ZSCAN25: variants seen among roughly 807,000 people sequenced by gnomAD.
ZSCAN25 encodes zinc finger and SCAN domain containing 25.
ZSCAN25 carries 27 observed loss-of-function variants against 38.7 expected under a neutral mutation model. The ratio of observed to expected loss-of-function variants is 0.70; its 90% CI spans 0.51 to 0.96. The LOEUF (loss-of-function observed/expected upper bound fraction) is 0.96, where lower values mean the gene tolerates loss of function less well. ZSCAN25 is among the 40% of genes least tolerant of loss of function. The pLI is 0.00. For synonymous variants in ZSCAN25, 273 were observed against 277.7 expected (o/e 0.98, Z 0.17); for missense variants, 637 against 705.9 (o/e 0.90, Z 1.11).
the ZSCAN25 span, chr7:99,663,840 C>T: frequency 7.3e-7 from 1 of 1,378,242 alleles, no homozygotes; most frequent in Non-Finnish European, 9.4e-7. Context: ...TACCAAATGG[C>T]TTCTCTTGTT....
chr7:99,696,396 A>T, the ZSCAN25 span, among the ~76,000 whole-genome samples: 1 of 152,098 alleles, frequency 6.6e-6, no homozygotes, highest in African/African-American at 2.4e-5. Flanking sequence ...CTATTTTAGG[A>T]TCTGGCCCTT....
At chr7:99,703,882 C>T in the ZSCAN25 span, among the ~76,000 whole-genome samples, 1 of 152,032 alleles carries the variant, frequency 6.6e-6, no homozygotes, top group South Asian at 2.1e-4. Context: ...CCCAGGCAGG[C>T]TGTTTCCACA....
At chr7:99,685,163 C>T in the ZSCAN25 span, 1 of 1,610,804 alleles carries the variant, frequency 6.2e-7, no homozygotes, top group Non-Finnish European at 8.5e-7. Flanking sequence ...ACGGTCCCAT[C>T]CCTTGACTCA....
the ZSCAN25 span, chr7:99,652,303 A>G: frequency 7.1e-6 from 2 of 281,486 alleles, no homozygotes; most frequent in East Asian, 6.4e-5. Flanking sequence ...AAAAATCTAT[A>G]TAGGCGTAGA....
the ZSCAN25 span, chr7:99,648,420 A>G: frequency 7.8e-6 from 12 of 1,541,430 alleles, no homozygotes; most frequent in African/African-American, 9.7e-5. Context: ...TTAAACAAGC[A>G]TATGGAGAAT....
chr7:99,718,530 A>G, the ZSCAN25 span, among the ~76,000 whole-genome samples: 7 of 152,282 alleles, frequency 4.6e-5, no homozygotes, highest in South Asian at 2.1e-4. Context: ...AGGGAGAGAA[A>G]ATTCCTCCAT....
At chr7:99,723,911 C>T in the ZSCAN25 span, among the ~76,000 whole-genome samples, 1 of 152,208 alleles carries the variant, frequency 6.6e-6, no homozygotes, top group South Asian at 2.1e-4. Flanking sequence ...ACTGCCAGGA[C>T]ACCTGCCTGG....
the ZSCAN25 span, among the ~76,000 whole-genome samples, chr7:99,714,102 C>G: frequency 6.6e-6 from 1 of 152,222 alleles, no homozygotes; most frequent in East Asian, 1.9e-4. Context: ...ATGTAACACA[C>G]ACTACACTTC....
At chr7:99,714,695 A>G in the ZSCAN25 span, 1 of 1,610,324 alleles carries the variant, frequency 6.2e-7, no homozygotes, top group South Asian at 1.1e-5. Context: ...GTAGAAAAAA[A>G]AAACCAACAG....
chr7:99,665,455 A>G, the ZSCAN25 span: 53 of 1,256,058 alleles, frequency 4.2e-5, no homozygotes, highest in African/African-American at 4.2e-4. Flanking sequence ...ATCATCTTCC[A>G]TCTACTCCCT....
the ZSCAN25 span, chr7:99,659,303 C>T: frequency 6.5e-6 from 1 of 152,860 alleles, no homozygotes; most frequent in Non-Finnish European, 1.5e-5. Context: ...CAGTCAGGAT[C>T]CTCAGCTGCA....
chr7:99,667,164 A>G, the ZSCAN25 span: 1 of 983,456 alleles, frequency 1.0e-6, no homozygotes, highest in Admixed American at 2.8e-5. Flanking sequence ...ACAAATATTT[A>G]TTGACTGTAT....
At chr7:99,694,388 G>A in the ZSCAN25 span, among the ~76,000 whole-genome samples, 1 of 152,200 alleles carries the variant, frequency 6.6e-6, no homozygotes, top group Non-Finnish European at 1.5e-5. Context: ...GTGACAGAAT[G>A]ACAAAGTGGA....
At chr7:99,731,629 A>G in the ZSCAN25 span, among the ~76,000 whole-genome samples, 193 of 152,316 alleles carry the variant, frequency 1.3e-3, no homozygotes, top group African/African-American at 4.4e-3. Context: ...CTGAGAGCCT[A>G]TGGTGACCCT....
the ZSCAN25 span, among the ~76,000 whole-genome samples, chr7:99,737,045 G>A: frequency 6.6e-6 from 1 of 152,152 alleles, no homozygotes; most frequent in Non-Finnish European, 1.5e-5. Context: ...GACAGACACG[G>A]GTAGGTGGGT....
At chr7:99,710,853 A>G in the ZSCAN25 span, 2 of 1,613,818 alleles carry the variant, frequency 1.2e-6, no homozygotes, top group Non-Finnish European at 1.7e-6. Context: ...AGCAAAAATA[A>G]AGATAATTGA....
At chr7:99,638,432 C>T in the ZSCAN25 span, 1 of 1,571,022 alleles carries the variant, frequency 6.4e-7, no homozygotes, top group Non-Finnish European at 8.7e-7. Context: ...TGGCATCCCT[C>T]ATCTCCCGGT....
At chr7:99,633,750 A>G (rs570123226), downstream of ZSCAN25, among the ~76,000 whole-genome samples, 1 of 152,196 alleles carries the variant, frequency 6.6e-6, no homozygotes, top group African/African-American at 2.4e-5. Context: ...GGATTTAAAC[A>G]TACTTGGTAT....
chr7:99,638,619 C>T, the ZSCAN25 span: 7 of 1,584,406 alleles, frequency 4.4e-6, no homozygotes, highest in African/African-American at 1.3e-5. Context: ...TCACTGTCTC[C>T]ACGTTGAAAC....
Sources: allele counts gnomAD v4.1 joint callset (sites outside exome capture counted in the v4.1 genomes callset), GRCh38; gene constraint gnomAD v4.1.1; transcripts MANE v1.5; gene names NCBI Gene and HGNC (gene_info 2026-07-23, HGNC 2026-07-21).